Variants in ADGRB1 observed in about 807,000 individuals in gnomAD.
The protein encoded by ADGRB1 is adhesion G protein-coupled receptor B1.
In ADGRB1, 36 loss-of-function variants were observed where a neutral mutation model predicts 175.7. The ratio of observed to expected loss-of-function variants is 0.20; its 90% CI spans 0.16 to 0.27. The LOEUF (loss-of-function observed/expected upper bound fraction) is 0.27, where lower values mean the gene tolerates loss of function less well. Ranked by LOEUF, ADGRB1 falls within the 10% of genes least tolerant of loss-of-function variation. The pLI is 1.00. For missense variants in ADGRB1, 1,731 were observed against 2,255.3 expected, an observed-to-expected ratio of 0.77 and a Z score of 4.71; for synonymous variants, 1,054 against 979.4, an observed-to-expected ratio of 1.08 and a Z score of -1.42.
chr8:142,477,610 G>A (rs1208002210), intron 6 of ADGRB1, 61 bp downstream of exon 6: 1 of 1,549,452 alleles, frequency 6.5e-7, no homozygotes, highest in Admixed American at 1.9e-5. Flanking sequence ...GTCACAGTGG[G>A]CCACCGGCCA....
chr8:142,527,270 C>T (rs1407756490), intron 24 of ADGRB1, among the ~76,000 whole-genome samples: 5 of 152,276 alleles, frequency 3.3e-5, no homozygotes, highest in African/African-American at 4.8e-5. Flanking sequence ...GGCGGACAAG[C>T]CCCTCTTGGT....
Position 142,510,916 on chromosome 8 carries a change from TCCCGCCC to T in ADGRB1, c.2676-15_2676-9del. ...ACGCTCCGCCTGTCTCCCTCCCGTGTCCCGCCCGCCCCCAGACCCTCCTCCTCCGCCC... is the reference window on the plus strand; with the variant it reads ...ACGCTCCGCCTGTCTCCCTCCCGTGTGCCCCCAGACCCTCCTCCTCCGCCC... On this transcript the variant is annotated splice_polypyrimidine_tract_variant and intron_variant, in intron 17 of 30. Coordinates refer to ENST00000517894, the MANE Select transcript of ADGRB1 (RefSeq NM_001702.3). This position sits in a 1 kb window ranked among gnomAD's most constrained non-coding sequence, Gnocchi z 6.3. 40 of 969,080 alleles carry T rather than the reference TCCCGCCC, an allele frequency of 4.1e-5. No homozygotes were observed. Among genetic ancestry groups the T allele is most frequent in the South Asian group, 7.0e-5 (2 of 28,700 alleles). 60.0% of individuals were successfully genotyped at this position (969,080 alleles called of 1,614,324 possible).
chr8:142,475,894 C>CTCGGGGCTGGCCCGTGGGAG (rs1366976906), intron 3 of ADGRB1, among the ~76,000 whole-genome samples: 6 of 7,086 alleles, frequency 8.5e-4, no homozygotes, highest in African/African-American at 3.6e-3. Flanking sequence ...AGGACCTAAA[C>CTCGGGGCTGGCCCGTGGGAG]TCGGGGCTGG....
chr8:142,484,836 C>T (rs1841578125), intron 13 of ADGRB1, 72 bp downstream of exon 13: 3 of 1,186,040 alleles, frequency 2.5e-6, no homozygotes, highest in Admixed American at 2.0e-5. Flanking sequence ...TCTGCCTCAG[C>T]ATCCTCATCT....
Position 142,464,873 on chromosome 8 carries a change from G to T in ADGRB1, c.675G>T (p.Ala225=), listed in dbSNP as rs1395449353. 2 of 1,521,130 alleles carry T rather than the reference G, an allele frequency of 1.3e-6. No individual in the cohort carries two copies. Among genetic ancestry groups the T allele is most frequent in the Non-Finnish European group, 8.8e-7 (1 of 1,140,290 alleles). 94.2% of individuals were successfully genotyped at this position (1,521,130 alleles called of 1,614,324 possible). Residue 225 remains alanine (A), a synonymous_variant, in exon 2 of 31, where the codon GCG becomes GCT. Coordinates refer to ENST00000517894, the MANE Select transcript of ADGRB1 (RefSeq NM_001702.3). ...GCGGCGAGGCGGGCGGCCCTGCCGC[G>T]GGACCCCTGGCCCCCCGCGGGGATG... ...CLGGEAGGPA[A]GPLAPRGDVC...
chr8:142,471,533 C>G (rs969466167), intron 2 of ADGRB1, among the ~76,000 whole-genome samples: 1 of 152,230 alleles, frequency 6.6e-6, no homozygotes, highest in Non-Finnish European at 1.5e-5. Context: ...AAGGAAGCAA[C>G]AAGACTCGGC....
At chr8:142,514,447 G>A (rs761460028) in intron 18 of ADGRB1, among the ~76,000 whole-genome samples, 18 of 152,276 alleles carry the variant, frequency 1.2e-4, no homozygotes, top group Non-Finnish European at 2.4e-4. Context: ...CCTGTGAGGC[G>A]GATGATGCCA....
intron 1 of ADGRB1, among the ~76,000 whole-genome samples, chr8:142,453,094 C>T (rs1270140690): frequency 6.7e-6 from 1 of 149,214 alleles, no homozygotes; most frequent in Non-Finnish European, 1.5e-5. Context: ...CCGTGACGCG[C>T]CTCGCGTCTC....
chr8:142,464,311 C>G lies in ADGRB1; in HGVS notation c.113C>G (p.Pro38Arg). The change falls in exon 2 of 31, where the codon CCC becomes CGC. Residue 38 changes from proline (P) to arginine (R), a missense_variant. Around this residue, in one of 8 missense-constraint regions of ADGRB1, gnomAD observed 383 missense variants for 383.1 expected, o/e 1.00. Transcript: ENST00000517894. ...GCGGCCGCCGGAGCAGACGCGGGGC[C>G]CGGGCCCGAGCCGTGCGCCACGCTG... The part of the protein sequence containing the change: ...ARAAAGADAG[P>R]GPEPCATLVQ... The G allele has an allele frequency of 1.4e-6, 2 of 1,441,024 alleles. No individual in the cohort carries two copies. The highest frequency in any genetic ancestry group is 1.4e-5 in the South Asian group (1 of 70,102). 89.3% of individuals were successfully genotyped at this position (1,441,024 alleles called of 1,614,324 possible). A position where few individuals can be genotyped will look rare whatever the true frequency, so the allele number is the denominator to read the frequency against.
intron 6 of ADGRB1, 128 bp downstream of exon 6, chr8:142,477,677 G>A: frequency 7.8e-7 from 1 of 1,275,382 alleles, no homozygotes; most frequent in East Asian, 2.5e-5. Context: ...TCAGAGGTTG[G>A]AACCTCAGAC....
chr8:142,487,687 G>T (rs971942015), intron 13 of ADGRB1, among the ~76,000 whole-genome samples: 1 of 152,040 alleles, frequency 6.6e-6, no homozygotes, highest in East Asian at 1.9e-4. Flanking sequence ...CTCTCTTCCC[G>T]TCCAGTTGCC....
At chr8:142,523,377 G>C (rs1472745101) in intron 22 of ADGRB1, among the ~76,000 whole-genome samples, 1 of 135,474 alleles carries the variant, frequency 7.4e-6, no homozygotes, top group East Asian at 2.2e-4. Context: ...CGAGGCAGGA[G>C]GAAGTGACTG....
intron 18 of ADGRB1, among the ~76,000 whole-genome samples, chr8:142,513,162 G>A (rs1843197684): frequency 6.6e-6 from 1 of 152,202 alleles, no homozygotes; most frequent in Non-Finnish European, 1.5e-5. Flanking sequence ...CGGGGCACAG[G>A]GGCTGGCAGT....
At chr8:142,471,415 C>T (rs746980875) in intron 2 of ADGRB1, among the ~76,000 whole-genome samples, 3 of 152,200 alleles carry the variant, frequency 2.0e-5, no homozygotes, top group Non-Finnish European at 4.4e-5. Flanking sequence ...GGTCGGGGCC[C>T]GGGCGGTGGG....
At chr8:142,485,668 G>A (rs1158064917) in intron 13 of ADGRB1, among the ~76,000 whole-genome samples, 1 of 152,206 alleles carries the variant, frequency 6.6e-6, no homozygotes, top group South Asian at 2.1e-4. Context: ...GCCTATACTG[G>A]TGCCCAGGAC....
In ADGRB1 at chr8:142,510,859, G is replaced by T; in HGVS notation, c.2676-73G>T. On this transcript the variant is annotated intron_variant, in intron 17 of 30. Coordinates refer to ENST00000517894, the MANE Select transcript of ADGRB1 (RefSeq NM_001702.3). This position sits in a 1 kb window ranked among gnomAD's most constrained non-coding sequence, Gnocchi z 6.3. ...GCCGGGGCGCGGAGCCGCCGCTCGG[G>T]GGCCGGGGCGCCCGCGTCCCCGCCG... The T allele has an allele frequency of 1.2e-6, 1 of 863,020 alleles. No homozygotes were observed. The highest frequency in any genetic ancestry group is 1.4e-6 in the Non-Finnish European group (1 of 716,732). The allele number at this position is 863,020 out of a possible 1,614,324, so 53.5% of individuals were successfully genotyped here. A position where few individuals can be genotyped will look rare whatever the true frequency, so the allele number is the denominator to read the frequency against.
rs1436300288 is a variant in ADGRB1 at position 142,539,368 on chromosome 8, C to A, written c.3667-6C>A. On this transcript the variant is annotated splice_polypyrimidine_tract_variant and splice_region_variant and intron_variant, in intron 26 of 30. Transcript: ENST00000517894. ...CTCACCCTGCCCTGTTGTCTCTGTC[C>A]TACAGACCGACTTCGAGAAGGACGT... The A allele has an allele frequency of 6.3e-7, 1 of 1,585,264 alleles. No homozygotes were observed. The highest frequency in any genetic ancestry group is 1.3e-5 in the African/African-American group (1 of 74,368).
At chr8:142,544,147 C>T (rs1177007560) in intron 30 of ADGRB1, 73 bp from the exon 31 acceptor site, 2 of 1,482,502 alleles carry the variant, frequency 1.3e-6, no homozygotes, top group Non-Finnish European at 1.8e-6. Context: ...TGTCTGCCTC[C>T]TCCCCCCTAC....
At chr8:142,489,949 T>C (rs1841907536) in intron 16 of ADGRB1, among the ~76,000 whole-genome samples, 1 of 152,186 alleles carries the variant, frequency 6.6e-6, no homozygotes, top group African/African-American at 2.4e-5. Flanking sequence ...GTCCCAACCC[T>C]GCTCCTTGGA....
Sources: gnomAD v4.1 joint callset for allele counts (sites outside exome capture counted in the v4.1 genomes callset) on GRCh38, gnomAD v4.1.1 for gene constraint, gnomAD v4.1.1 regional missense constraint, Gnocchi (gnomAD v3.1) non-coding constraint, MANE v1.5 for transcripts, NCBI Gene and HGNC (gene_info 2026-07-23, HGNC 2026-07-21) for gene names.